POLN: variants seen among roughly 807,000 people sequenced by gnomAD.
The protein encoded by POLN is DNA polymerase nu, also known as DNA polymerase N.
In POLN, 108 loss-of-function variants were observed where a neutral mutation model predicts 113.5. That is an observed-to-expected ratio of 0.95 (90% CI 0.81 to 1.12). The LOEUF is 1.12. Among genes scored for constraint, POLN ranks in the 50% most tolerant of loss-of-function variants. The probability of loss-of-function intolerance (pLI) is 0.00; values close to 1 mark genes in which losing one functional copy is unlikely to be tolerated. For synonymous variants in POLN, 386 were observed against 391.5 expected, an observed-to-expected ratio of 0.99 and a Z score of 0.17; for missense variants, 1,097 against 1,077.1, an observed-to-expected ratio of 1.02 and a Z score of -0.26.
intron 24 of POLN, among the ~76,000 whole-genome samples, chr4:2,074,191 C>G (rs905831268): frequency 8.5e-5 from 13 of 152,212 alleles, no homozygotes; most frequent in East Asian, 3.9e-4. Context: ...TGGGGCTGAG[C>G]TGGCACTCAG....
chr4:2,156,554 T>C (rs1732438351), intron 16 of POLN: 3 of 623,822 alleles, frequency 4.8e-6, no homozygotes, highest in Middle Eastern at 2.5e-4. Flanking sequence ...CTGGAGTGCA[T>C]GGGTTTCTGG....
At chr4:2,073,170 C>T (rs1730193751) in intron 24 of POLN, 141 bp from the exon 25 acceptor site, 1 of 745,894 alleles carries the variant, frequency 1.3e-6, no homozygotes, top group Non-Finnish European at 2.2e-6. Context: ...GTCACCTGAA[C>T]CAGCTGTGGG....
chr4:2,174,774 A>T, intron 9 of POLN, 23 bp from the exon 10 acceptor site: 1 of 1,512,788 alleles, frequency 6.6e-7, no homozygotes, highest in Non-Finnish European at 9.1e-7. Flanking sequence ...AAGAAATAAC[A>T]TCAACGTCAA....
chr4:2,194,902 A>T (rs1442529450), intron 6 of POLN, among the ~76,000 whole-genome samples: 7 of 152,134 alleles, frequency 4.6e-5, no homozygotes, highest in Non-Finnish European at 1.5e-5. Flanking sequence ...TGGCTCTTAA[A>T]ATAAAACATG....
chr4:2,197,388 A>G (rs1427517329), intron 6 of POLN, among the ~76,000 whole-genome samples: 1 of 152,140 alleles, frequency 6.6e-6, no homozygotes, highest in African/African-American at 2.4e-5. Flanking sequence ...TGAGAGCTTG[A>G]TATGGTTTGT....
Position 2,081,070 on chromosome 4 carries a change from T to G in POLN, c.2309-34A>C, listed in dbSNP as rs199878394. 2.4e-4 allele frequency: 393 copies of G among 1,612,874 alleles called. 3 individuals are homozygous for G. The highest frequency in any genetic ancestry group is 3.4e-6 in the Non-Finnish European group (4 of 1,179,952). On this transcript the variant is annotated intron_variant, in intron 22 of 25. Transcript: ENST00000511885. ...CGCGTGGTACTGTCTTGAGGTCCCA[T>G]GGCACACGGTTCATGGTGCACTCAG...
intron 19 of POLN, among the ~76,000 whole-genome samples, chr4:2,122,484 C>T (rs763288466): frequency 6.6e-6 from 1 of 152,040 alleles, no homozygotes; most frequent in African/African-American, 2.4e-5. Flanking sequence ...CCCACAAAAC[C>T]GTGCTCAACA....
intron 19 of POLN, among the ~76,000 whole-genome samples, chr4:2,098,247 C>G (rs536454436): frequency 6.6e-6 from 1 of 152,126 alleles, no homozygotes; most frequent in Admixed American, 6.5e-5. Context: ...GACCCTGTCT[C>G]TACAAAAATG....
In POLN at chr4:2,145,207, GA is replaced by G. The variant is rs534605110; in HGVS notation, c.1731+11580del. ...TGCTATCATAGAACACATTATAGGC[GA>G]AAAAAAAAGAGAATTTGAGGATCTT... On this transcript the variant is annotated intron_variant, in intron 16 of 25. Coordinates refer to ENST00000511885, the MANE Select transcript of POLN (RefSeq NM_181808.4). Among the ~76,000 whole-genome samples the G allele has an allele frequency of 2.4e-4, 36 of 148,782 alleles. No individual in the cohort carries two copies. In the East Asian group the frequency reaches 3.7e-3, roughly 15 times the overall value.
At chr4:2,192,400 G>C (rs673554) in intron 7 of POLN, among the ~76,000 whole-genome samples, 76 of 151,866 alleles carry the variant, frequency 5.0e-4, no homozygotes, top group Non-Finnish European at 9.3e-4. Context: ...CCCCAGGCTG[G>C]AGTGCGGTGG....
intron 3 of POLN, among the ~76,000 whole-genome samples, chr4:2,226,075 C>A (rs913139405): frequency 6.6e-6 from 1 of 152,174 alleles, no homozygotes; most frequent in Non-Finnish European, 1.5e-5. Flanking sequence ...TAAAGTCACT[C>A]AGGGGCCCAG....
In POLN at chr4:2,156,926, A is replaced by T; in HGVS notation, c.1666-73T>A. On this transcript the variant is annotated intron_variant, in intron 15 of 25. Transcript: ENST00000511885. ...AAGTTAAGAATGTGGCGGAGCCTCC[A>T]CTCACAACATGCAACACTCGCTGCT... The T allele has an allele frequency of 3.2e-6, 4 of 1,261,446 alleles. No individual in the cohort carries two copies. In the South Asian group the frequency reaches 4.8e-5, roughly 15 times the overall value. The allele number at this position is 1,261,446 out of a possible 1,614,324, so 78.1% of individuals were successfully genotyped here. A position where few individuals can be genotyped will look rare whatever the true frequency, so the allele number is the denominator to read the frequency against.
At position 2,073,027 on chromosome 4, in the gene POLN, G is replaced by A; in HGVS notation, c.2458C>T (p.Leu820Phe). Residue 820 changes from leucine to phenylalanine, a missense_variant and splice_region_variant, in exon 25 of 26, where the codon CTC becomes TTC. Coordinates refer to ENST00000511885, the MANE Select transcript of POLN (RefSeq NM_181808.4). ...EDPQIPECAA[L>F]VRRTMESLEQ... ...AAGGACTCCATGGTCCTCCTGACGAGAGCTAGAGTGCGGAAGAGAGAGGAG... is the reference window on the plus strand; with the variant it reads ...AAGGACTCCATGGTCCTCCTGACGAAAGCTAGAGTGCGGAAGAGAGAGGAG... The A allele has an allele frequency of 6.2e-7, 1 of 1,613,346 alleles. No individual in the cohort carries two copies. The highest frequency in any genetic ancestry group is 8.5e-7 in the Non-Finnish European group (1 of 1,179,894).
chr4:2,159,927 A>T (rs1411238647), intron 13 of POLN, among the ~76,000 whole-genome samples: 1 of 152,196 alleles, frequency 6.6e-6, no homozygotes, highest in Non-Finnish European at 1.5e-5. Flanking sequence ...TAGGGCTATT[A>T]TGAATAATGC....
At chr4:2,193,367 G>A (rs769919401) in intron 6 of POLN, 51 bp from the exon 7 acceptor site, 9 of 1,284,570 alleles carry the variant, frequency 7.0e-6, no homozygotes, top group South Asian at 6.8e-5. Context: ...TGGGATTTTC[G>A]ACCTTGGAAA....
At chr4:2,190,925 AAAGTAAAT>A (rs1733424540) in intron 7 of POLN, among the ~76,000 whole-genome samples, 1 of 152,252 alleles carries the variant, frequency 6.6e-6, no homozygotes, top group Admixed American at 6.5e-5. Flanking sequence ...TATTGGTAGG[AAAGTAAAT>A]TAGTACAGCC....
intron 5 of POLN, among the ~76,000 whole-genome samples, chr4:2,206,739 C>CA (rs1322807979): frequency 2.0e-5 from 3 of 152,066 alleles, no homozygotes; most frequent in African/African-American, 7.2e-5. Flanking sequence ...ATCAAAAAGT[C>CA]AAAAAATAAT....
intron 7 of POLN, among the ~76,000 whole-genome samples, chr4:2,183,677 G>T (rs1175332970): frequency 6.6e-6 from 1 of 152,154 alleles, no homozygotes; most frequent in Non-Finnish European, 1.5e-5. Flanking sequence ...GGGATGGGGA[G>T]TGGCTGCTAA....
intron 19 of POLN, among the ~76,000 whole-genome samples, chr4:2,108,986 C>T (rs1443519193): frequency 1.3e-5 from 2 of 151,894 alleles, no homozygotes; most frequent in Non-Finnish European, 2.9e-5. Context: ...GTCTGCTCTG[C>T]CCGCTAAGCA....
Sources: gnomAD v4.1 joint callset for allele counts (sites outside exome capture counted in the v4.1 genomes callset) on GRCh38, gnomAD v4.1.1 for gene constraint, MANE v1.5 for transcripts, NCBI Gene and HGNC (gene_info 2026-07-23, HGNC 2026-07-21) for gene names.